The following FBRSL1 variants were observed in gnomAD, a reference collection of about 807,000 sequenced individuals.
FBRSL1 encodes fibrosin like 1.
In FBRSL1, 51 loss-of-function variants were observed where a neutral mutation model predicts 89.6. The ratio of observed to expected loss-of-function variants is 0.57; its 90% CI spans 0.45 to 0.72. FBRSL1 has a LOEUF of 0.72. Among genes scored for constraint, FBRSL1 ranks in the 30% least tolerant of loss-of-function variants. The probability of loss-of-function intolerance (pLI) is 0.00; values close to 1 mark genes in which losing one functional copy is unlikely to be tolerated. For synonymous variants in FBRSL1, 779 were observed against 681.1 expected, an observed-to-expected ratio of 1.14 and a Z score of -2.24; for missense variants, 1,618 against 1,451.8, an observed-to-expected ratio of 1.11 and a Z score of -1.86.
At chr12:132,547,441 G>A (rs915765292) in intron 4 of FBRSL1, among the ~76,000 whole-genome samples, 2 of 152,158 alleles carry the variant, frequency 1.3e-5, no homozygotes, top group Admixed American at 6.5e-5. Flanking sequence ...AACCCTGAGC[G>A]GCCGTGGCCC....
chr12:132,492,971 G>C (rs1429738107), intron 1 of FBRSL1, among the ~76,000 whole-genome samples: 2 of 152,214 alleles, frequency 1.3e-5, no homozygotes, highest in Non-Finnish European at 2.9e-5. Context: ...GGTTCAGTAA[G>C]CATTCTCTCC....
chr12:132,525,943 C>T (rs750061438), intron 3 of FBRSL1, 120 bp downstream of exon 3: 4 of 793,128 alleles, frequency 5.0e-6, no homozygotes, highest in South Asian at 1.7e-5. Context: ...TGCACAAGGG[C>T]GTCCAGTCCG....
chr12:132,519,451 T>G (rs1246424134), intron 2 of FBRSL1, among the ~76,000 whole-genome samples: 1 of 152,220 alleles, frequency 6.6e-6, no homozygotes, highest in African/African-American at 2.4e-5. Context: ...AGAGTTTCCC[T>G]CATTCTGGAG....
chr12:132,545,074 C>T (rs548881868), intron 4 of FBRSL1, among the ~76,000 whole-genome samples: 3 of 151,350 alleles, frequency 2.0e-5, no homozygotes, highest in South Asian at 2.1e-4. Flanking sequence ...AGCATGGGGC[C>T]GTGCGGCACG....
intron 2 of FBRSL1, among the ~76,000 whole-genome samples, chr12:132,508,994 T>C (rs1352006659): frequency 6.6e-6 from 1 of 152,170 alleles, no homozygotes; most frequent in Non-Finnish European, 1.5e-5. Context: ...GGTCCGCTGG[T>C]GTGCGCCTTC....
At chr12:132,500,471 T>A (rs2032787367) in intron 1 of FBRSL1, among the ~76,000 whole-genome samples, 1 of 152,138 alleles carries the variant, frequency 6.6e-6, no homozygotes, top group African/African-American at 2.4e-5. Flanking sequence ...GGCCGGCCTC[T>A]CTGCTCCCTG....
At chr12:132,529,350 G>C (rs2036062645) in intron 4 of FBRSL1, among the ~76,000 whole-genome samples, 1 of 152,200 alleles carries the variant, frequency 6.6e-6, no homozygotes, top group Non-Finnish European at 1.5e-5. Flanking sequence ...GGAGCGGCAT[G>C]GGCGGCGCGG....
chr12:132,578,366 C>CACACACACACACACACACACACACACAA (rs1257586074), intron 15 of FBRSL1, among the ~76,000 whole-genome samples: 1 of 151,938 alleles, frequency 6.6e-6, no homozygotes, highest in East Asian at 1.9e-4. Context: ...CACACACACA[C>CACACACACACACACACACACACACACAA]AAAATCATAG....
chr12:132,550,171 T>C (rs1194702322), intron 5 of FBRSL1, among the ~76,000 whole-genome samples: 2 of 117,708 alleles, frequency 1.7e-5, no homozygotes, highest in East Asian at 4.5e-4. Flanking sequence ...CTTCTAGGGC[T>C]GTGGTGGCCA....
chr12:132,562,287 CCTT>C (rs987316331), intron 5 of FBRSL1, among the ~76,000 whole-genome samples: 3 of 152,118 alleles, frequency 2.0e-5, no homozygotes, highest in Non-Finnish European at 2.9e-5. Flanking sequence ...AGGTTCCTGT[CCTT>C]CTTTCTTTGT....
Position 132,583,449 on chromosome 12 carries a change from A to G in FBRSL1, c.2680A>G (p.Ser894Gly). Residue 894 changes from serine (S) to glycine (G), a missense_variant, in exon 19 of 19, where the codon AGC becomes GGC. Ser to Gly is a moderately conservative substitution (Grantham distance 56). Transcript: ENST00000680143. The stretch of plus-strand genomic sequence containing the variant: ...CCGCGACCGCGAGCCCCACGGCTAC[A>G]GCCCCGAGCGCCTGCGCGGGGAGCT... ...PYRDREPHGY[S>G]PERLRGELER... The G allele has an allele frequency of 9.4e-7, 1 of 1,063,376 alleles. No individual in the cohort carries two copies. The highest frequency in any genetic ancestry group is 1.1e-6 in the Non-Finnish European group (1 of 879,204). 65.9% of individuals were successfully genotyped at this position (1,063,376 alleles called of 1,614,324 possible). A position where few individuals can be genotyped will look rare whatever the true frequency, so the allele number is the denominator to read the frequency against.
intron 6 of FBRSL1, 35 bp from the exon 7 acceptor site, chr12:132,569,891 C>T: frequency 1.5e-6 from 2 of 1,350,606 alleles, no homozygotes; most frequent in Non-Finnish European, 1.9e-6. Context: ...GGACGAGGCC[C>T]TGCTGGTCTG....
intron 2 of FBRSL1, chr12:132,510,388 C>T: frequency 8.1e-7 from 1 of 1,231,962 alleles, no homozygotes; most frequent in Non-Finnish European, 1.0e-6. Context: ...TCCCGGTGGA[C>T]CCGATCCTGT....
At chr12:132,508,431 C>A in intron 2 of FBRSL1, 81 bp downstream of exon 2, 1 of 1,341,842 alleles carries the variant, frequency 7.5e-7, no homozygotes, top group Non-Finnish European at 9.8e-7. Context: ...ACCTGGACAC[C>A]ACGCCACGTG....
rs1308062993 is a variant in FBRSL1, at chr12:132,490,209, C to G, written c.-362C>G. 2 of 900 alleles carry G rather than the reference C, an allele frequency of 2.2e-3. No individual in the cohort carries two copies. The highest frequency in any genetic ancestry group is 0.02 in the Non-Finnish European group (2 of 98). The allele number at this position is 900 out of a possible 1,614,324, so 0.1% of individuals were successfully genotyped here. On this transcript the variant is annotated 5_prime_UTR_variant, in exon 1 of 19. Coordinates refer to ENST00000680143, the MANE Select transcript of FBRSL1 (RefSeq NM_001367871.1). ...CCTCACGAGCCCGGTGCCCAGGAGC[C>G]CGGCCGCCTCCCGCCTGCCGCCTGC...
intron 1 of FBRSL1, among the ~76,000 whole-genome samples, chr12:132,505,463 G>A (rs915313790): frequency 7.2e-5 from 11 of 152,092 alleles, no homozygotes; most frequent in Admixed American, 2.6e-4. Context: ...CTCCTGTCCC[G>A]GCCCCACCCC....
intron 4 of FBRSL1, among the ~76,000 whole-genome samples, chr12:132,538,720 C>T (rs1422268469): frequency 6.6e-6 from 1 of 152,226 alleles, no homozygotes; most frequent in Non-Finnish European, 1.5e-5. Context: ...GCTGCAGTGA[C>T]TTGATTGCTT....
Position 132,582,044 on chromosome 12 carries a change from C to G in FBRSL1, c.1997-18C>G. 6.5e-7 allele frequency: 1 copy of G among 1,537,404 alleles called. No homozygotes were observed. Among genetic ancestry groups the G allele is most frequent in the Non-Finnish European group, 8.8e-7 (1 of 1,139,094 alleles). The stretch of plus-strand genomic sequence containing the variant: ...AGCAGACAGACCCAACCTCATGCTC[C>G]CCGGCCTCTGCCCCCAGCTCCCGGT... On this transcript the variant is annotated intron_variant, in intron 17 of 18. Transcript: ENST00000680143.
chr12:132,500,827 C>T (rs2032844186), intron 1 of FBRSL1, among the ~76,000 whole-genome samples: 1 of 152,198 alleles, frequency 6.6e-6, no homozygotes, highest in African/African-American at 2.4e-5. Flanking sequence ...CCTGCCACAG[C>T]CCCACCCTCT....
Sources: allele counts gnomAD v4.1 joint callset (sites outside exome capture counted in the v4.1 genomes callset), GRCh38; gene constraint gnomAD v4.1.1; transcripts MANE v1.5; gene names NCBI Gene and HGNC (gene_info 2026-07-23, HGNC 2026-07-21).